The following UBXN2A variants were observed in gnomAD, a reference collection of about 807,000 sequenced individuals.
UBXN2A encodes the protein UBX domain-containing protein 2A.
A neutral mutation model predicts 28.4 loss-of-function variants in UBXN2A; 28 were observed. The ratio of observed to expected loss-of-function variants is 0.99; its 90% CI spans 0.73 to 1.35. UBXN2A has a LOEUF of 1.35. Ranked by LOEUF, UBXN2A falls within the 40% of genes most tolerant of loss-of-function variation. The probability of loss-of-function intolerance (pLI) is 0.00; values close to 1 mark genes in which losing one functional copy is unlikely to be tolerated. For synonymous variants in UBXN2A, 97 were observed against 103.6 expected (o/e 0.94, Z 0.39); for missense variants, 253 against 297.9 (o/e 0.85, Z 1.11).
exon 1 of UBXN2A, chr2:23,927,327 A>G (rs1436483654): frequency 6.6e-6 from 1 of 152,402 alleles, no homozygotes; most frequent in East Asian, 1.9e-4. Flanking sequence ...GAAAAGCCAG[A>G]CTAATCAGGA....
chr2:23,941,001 C>T (rs1705728613), intron 1 of UBXN2A, among the ~76,000 whole-genome samples: 1 of 152,200 alleles, frequency 6.6e-6, no homozygotes, highest in Non-Finnish European at 1.5e-5. Flanking sequence ...GCGAACGCTG[C>T]ACGATCGCAG....
intron 1 of UBXN2A, among the ~76,000 whole-genome samples, chr2:23,932,870 C>T (rs769419016): frequency 6.6e-6 from 1 of 152,096 alleles, no homozygotes; most frequent in Admixed American, 6.6e-5. Flanking sequence ...TTGGGGAGGC[C>T]GAGGCAGGTG....
chr2:23,927,428 G>A (rs1705071339), exon 1 of UBXN2A: 2 of 153,722 alleles, frequency 1.3e-5, no homozygotes, highest in Non-Finnish European at 2.9e-5. Context: ...GGCCTGGATG[G>A]AGCAGGGGAC....
intron 6 of UBXN2A, among the ~76,000 whole-genome samples, chr2:23,985,660 C>T (rs951113643): frequency 6.8e-6 from 1 of 147,864 alleles, no homozygotes; most frequent in Non-Finnish European, 1.5e-5. Context: ...AGTAGAGTGG[C>T]GCGAGCCACC....
chr2:23,964,706 C>A (rs1005325775), intron 2 of UBXN2A, among the ~76,000 whole-genome samples: 3 of 152,112 alleles, frequency 2.0e-5, no homozygotes, highest in Non-Finnish European at 4.4e-5. Context: ...GTTAACCACA[C>A]TTTATTGTTC....
At chr2:23,984,100 A>C (rs1708027315) in intron 5 of UBXN2A, among the ~76,000 whole-genome samples, 1 of 152,244 alleles carries the variant, frequency 6.6e-6, no homozygotes. Context: ...TTCAAGTTTT[A>C]CAGTTTCCAT....
intron 6 of UBXN2A, among the ~76,000 whole-genome samples, chr2:23,991,406 TACACAC>T (rs371442810): frequency 8.6e-4 from 128 of 148,522 alleles, no homozygotes; most frequent in Non-Finnish European, 1.5e-3. Flanking sequence ...TTTTATTTTA[TACACAC>T]ACACACACAC....
At chr2:23,932,279 C>T (rs1705391772) in intron 1 of UBXN2A, among the ~76,000 whole-genome samples, 1 of 151,502 alleles carries the variant, frequency 6.6e-6, no homozygotes, top group Admixed American at 6.6e-5. Flanking sequence ...GATCATGCCA[C>T]TGCACTCTAT....
chr2:23,959,267 G>A (rs565709334), intron 2 of UBXN2A, among the ~76,000 whole-genome samples: 75 of 152,198 alleles, frequency 4.9e-4, no homozygotes, highest in Middle Eastern at 3.4e-3. Context: ...CGAGGTAGGC[G>A]GATCACCTGA....
intron 2 of UBXN2A, among the ~76,000 whole-genome samples, chr2:23,962,061 T>C (rs1048932654): frequency 6.6e-6 from 1 of 152,062 alleles, no homozygotes; most frequent in African/African-American, 2.4e-5. Flanking sequence ...TCCAGGCTGG[T>C]CTTGAACTCC....
chr2:23,955,466 A>G (rs1034367283), intron 1 of UBXN2A, among the ~76,000 whole-genome samples: 1 of 152,160 alleles, frequency 6.6e-6, no homozygotes, highest in Non-Finnish European at 1.5e-5. Flanking sequence ...CTCTTTCAAT[A>G]AGGAGTTTAA....
At chr2:23,975,823 T>TCTACTAAA (rs1465725289) in intron 3 of UBXN2A, among the ~76,000 whole-genome samples, 2 of 151,970 alleles carry the variant, frequency 1.3e-5, no homozygotes. Context: ...ACGGGGTTTC[T>TCTACTAAA]CCATGTTGGT....
At chr2:23,993,114 G>A (rs899613467) in intron 6 of UBXN2A, among the ~76,000 whole-genome samples, 1 of 152,172 alleles carries the variant, frequency 6.6e-6, no homozygotes, top group Non-Finnish European at 1.5e-5. Context: ...CATAATAATA[G>A]AAGAAGCACA....
At chr2:23,944,904 G>A (rs906416722) in intron 1 of UBXN2A, among the ~76,000 whole-genome samples, 1 of 152,148 alleles carries the variant, frequency 6.6e-6, no homozygotes, top group Non-Finnish European at 1.5e-5. Flanking sequence ...GTTAGTTCTT[G>A]GAGCAGCTGC....
intron 1 of UBXN2A, among the ~76,000 whole-genome samples, chr2:23,945,274 G>C (rs1706012358): frequency 6.6e-6 from 1 of 152,030 alleles, no homozygotes. Flanking sequence ...TACCACTTTG[G>C]TCCTTGGAGT....
intron 6 of UBXN2A, among the ~76,000 whole-genome samples, chr2:23,992,525 G>T (rs4643489): frequency 0.73 from 111,611 of 152,114 alleles, 41,388 homozygotes; most frequent in East Asian, 0.85. Flanking sequence ...ACCTCGGAAA[G>T]GAAGGTTTTA....
rs1184876745 is a variant in UBXN2A, at chr2:23,950,200, G to T, written c.-14-8101G>T. ...AAATGCCAAAAATCTAAATGCTTAG[G>T]AGGAGACTATTACTAAGGGTCTAAT... On this transcript the variant is annotated intron_variant, in intron 1 of 6. Coordinates refer to ENST00000309033, the MANE Select transcript of UBXN2A (RefSeq NM_181713.4). Among the ~76,000 whole-genome samples, 4 of 152,174 alleles carry T rather than the reference G, an allele frequency of 2.6e-5. No homozygotes were observed. In the East Asian group the frequency reaches 7.7e-4, roughly 29 times the overall value.
At chr2:23,976,905 A>G (rs948717960) in intron 3 of UBXN2A, 64 bp from the exon 4 acceptor site, 7 of 1,406,716 alleles carry the variant, frequency 5.0e-6, no homozygotes, top group Non-Finnish European at 5.0e-6. Flanking sequence ...AGAAATTTTC[A>G]AAGGACTTTC....
At chr2:23,933,091 C>T (rs954550820) in intron 1 of UBXN2A, among the ~76,000 whole-genome samples, 2 of 149,630 alleles carry the variant, frequency 1.3e-5, no homozygotes, top group African/African-American at 4.9e-5. Flanking sequence ...GGCAACAGAG[C>T]GAGACTCCAT....
Sources: gnomAD v4.1 joint callset for allele counts (sites outside exome capture counted in the v4.1 genomes callset) on GRCh38, gnomAD v4.1.1 for gene constraint, MANE v1.5 for transcripts, NCBI Gene and HGNC (gene_info 2026-07-23, HGNC 2026-07-21) for gene names.